FERMT1: variants seen among roughly 807,000 people sequenced by gnomAD.
The protein encoded by FERMT1 is fermitin family homolog 1.
In FERMT1, 60 loss-of-function variants were observed where a neutral mutation model predicts 85.3. The ratio of observed to expected loss-of-function variants is 0.70; its 90% confidence interval spans 0.57 to 0.87. FERMT1 has a LOEUF of 0.87. Among genes scored for constraint, FERMT1 ranks in the 40% least tolerant of loss-of-function variants. The pLI is 0.00. For missense variants in FERMT1, 701 were observed against 818.9 expected (o/e 0.86, Z 1.76); for synonymous variants, 275 against 301.1 (o/e 0.91, Z 0.90).
At chr20:6,082,926 C>T (rs563254764) in intron 13 of FERMT1, among the ~76,000 whole-genome samples, 6 of 152,212 alleles carry the variant, frequency 3.9e-5, no homozygotes, top group Admixed American at 3.9e-4. Context: ...TCCCAAAGTG[C>T]TAGGATTACA....
At chr20:6,112,389 T>C (rs1334836214) in intron 4 of FERMT1, 88 bp downstream of exon 4, 2 of 1,314,142 alleles carry the variant, frequency 1.5e-6, no homozygotes, top group African/African-American at 1.4e-5. Flanking sequence ...TATTTCTCCT[T>C]TGTTTGGTGG....
intron 9 of FERMT1, among the ~76,000 whole-genome samples, chr20:6,093,096 G>A (rs1982409974): frequency 6.6e-6 from 1 of 151,992 alleles, no homozygotes; most frequent in Non-Finnish European, 1.5e-5. Flanking sequence ...GAGCTTCACT[G>A]TAATAGAAAG....
intron 4 of FERMT1, among the ~76,000 whole-genome samples, chr20:6,111,267 G>A (rs1377261342): frequency 6.6e-6 from 1 of 152,214 alleles, no homozygotes; most frequent in African/African-American, 2.4e-5. Context: ...TCAGTAGGCT[G>A]ATGATTTATA....
In FERMT1 at chr20:6,075,142, A is replaced by ACTCCCCT. The variant is rs1981780167; in HGVS notation, c.*2030_*2031insAGGGGAG. The ACTCCCCT allele has an allele frequency of 6.6e-6, 1 of 152,162 alleles. No individual in the cohort carries two copies. Among genetic ancestry groups the ACTCCCCT allele is most frequent in the East Asian group, 1.9e-4 (1 of 5,312 alleles). 9.4% of individuals were successfully genotyped at this position (152,162 alleles called of 1,614,324 possible). A position where few individuals can be genotyped will look rare whatever the true frequency, so the allele number is the denominator to read the frequency against. On this transcript the variant is annotated 3_prime_UTR_variant, in exon 15 of 15. Transcript: ENST00000217289. ...TCCCCTGAAAACTGTAACCAAACAA[A>ACTCCCCT]GTTTGGTTAAAACAAAGTTGGTTCC...
intron 6 of FERMT1, among the ~76,000 whole-genome samples, chr20:6,102,187 C>A (rs1982676041): frequency 6.6e-6 from 1 of 151,980 alleles, no homozygotes; most frequent in Non-Finnish European, 1.5e-5. Flanking sequence ...GAGGCCTGTT[C>A]CCATTTCTCC....
chr20:6,080,154 A>C (rs541644508), intron 13 of FERMT1, among the ~76,000 whole-genome samples: 2 of 151,962 alleles, frequency 1.3e-5, no homozygotes, highest in Non-Finnish European at 2.9e-5. Context: ...CACTTAAAAA[A>C]ATTTTTTTTT....
rs1282521865 is a variant in FERMT1 at position 6,077,270 on chromosome 20, T to C, written c.1937A>G (p.Tyr646Cys). The change falls in exon 15 of 15, where the codon TAC becomes TGC. Residue 646 changes from tyrosine (Y) to cysteine (C), a missense_variant. Physicochemically the swap from Tyr to Cys is radical, Grantham distance 194 (BLOSUM62 -2). Transcript: ENST00000217289. Reference sequence around the variant, plus strand: ...GGACAAGAAAATGTAGCCGCCAATGTACTCGTGCACAATCTTGCAATCTGC... The same window carrying C: ...GGACAAGAAAATGTAGCCGCCAATGCACTCGTGCACAATCTTGCAATCTGC... Reference protein sequence around the residue: ...LSADCKIVHEYIGGYIFLSTR... With the variant: ...LSADCKIVHECIGGYIFLSTR... 6.2e-7 allele frequency: 1 copy of C among 1,614,040 alleles called. No individual in the cohort carries two copies. Among genetic ancestry groups the C allele is most frequent in the Non-Finnish European group, 8.5e-7 (1 of 1,180,040 alleles).
chr20:6,077,222 T>A lies in FERMT1; in HGVS notation c.1985A>T (p.Glu662Val). The change falls in exon 15 of 15, where the codon GAA becomes GTA. Residue 662 changes from glutamate to valine, a missense_variant. Coordinates refer to ENST00000217289, the MANE Select transcript of FERMT1 (RefSeq NM_017671.5). Reference sequence around the variant, plus strand: ...GTGGAACAAGTCCTCATCGAGTGTTTCATTCTGGTCCTTGGAGCGGGTGGA... The same window carrying A: ...GTGGAACAAGTCCTCATCGAGTGTTACATTCTGGTCCTTGGAGCGGGTGGA... ...FLSTRSKDQN[E>V]TLDEDLFHKL... 6.2e-7 allele frequency: 1 copy of A among 1,614,216 alleles called. No homozygotes were observed. The highest frequency in any genetic ancestry group is 8.5e-7 in the Non-Finnish European group (1 of 1,180,042).
intron 9 of FERMT1, among the ~76,000 whole-genome samples, chr20:6,094,641 C>T (rs549926185): frequency 2.6e-5 from 4 of 152,166 alleles, no homozygotes; most frequent in African/African-American, 4.8e-5. Flanking sequence ...CCAGGTACCA[C>T]GCTCAGTGCT....
chr20:6,077,090 C>A lies in FERMT1; in HGVS notation c.*83G>T. 7.3e-7 allele frequency: 1 copy of A among 1,361,256 alleles called. No homozygotes were observed. The highest frequency in any genetic ancestry group is 1.1e-6 in the Non-Finnish European group (1 of 951,612). The allele number at this position is 1,361,256 out of a possible 1,614,324, so 84.3% of individuals were successfully genotyped here. A position where few individuals can be genotyped will look rare whatever the true frequency, so the allele number is the denominator to read the frequency against. ...ATGTTGTCTGTTAGTCCAGAATCTA[C>A]ATGCTGGGCACGTTAGGGATCCCTC... On this transcript the variant is annotated 3_prime_UTR_variant, in exon 15 of 15. Coordinates refer to ENST00000217289, the MANE Select transcript of FERMT1 (RefSeq NM_017671.5).
chr20:6,109,687 G>A (rs994844318), intron 5 of FERMT1, among the ~76,000 whole-genome samples: 2 of 152,030 alleles, frequency 1.3e-5, no homozygotes, highest in Non-Finnish European at 2.9e-5. Context: ...ATTACCTGAG[G>A]TCAGGAGTTC....
At chr20:6,095,928 T>G (rs938024311) in intron 8 of FERMT1, among the ~76,000 whole-genome samples, 2 of 152,220 alleles carry the variant, frequency 1.3e-5, no homozygotes. Context: ...TGGACCCACC[T>G]CTCTGATTCA....
intron 13 of FERMT1, among the ~76,000 whole-genome samples, chr20:6,082,875 G>A (rs926649761): frequency 6.6e-6 from 1 of 151,964 alleles, no homozygotes; most frequent in South Asian, 2.1e-4. Context: ...GCCCAGAGTG[G>A]TCTTGAACTC....
chr20:6,118,683 C>T (rs933837391), intron 2 of FERMT1, among the ~76,000 whole-genome samples: 1 of 152,188 alleles, frequency 6.6e-6, no homozygotes, highest in African/African-American at 2.4e-5. Context: ...TGACATCTGA[C>T]ACGCTACAAG....
intron 2 of FERMT1, among the ~76,000 whole-genome samples, chr20:6,118,258 T>C (rs1983162702): frequency 1.3e-5 from 2 of 152,284 alleles, no homozygotes; most frequent in South Asian, 2.1e-4. Context: ...ACAGATATAA[T>C]GTTGAGTGAA....
chr20:6,079,717 C>A, intron 13 of FERMT1, 140 bp from the exon 14 acceptor site: 1 of 827,366 alleles, frequency 1.2e-6, no homozygotes, highest in Non-Finnish European at 1.9e-6. Flanking sequence ...TAACTTTCTG[C>A]AGGGGGGCAT....
chr20:6,083,656 C>CG (rs895366635), intron 13 of FERMT1, among the ~76,000 whole-genome samples: 3 of 89,120 alleles, frequency 3.4e-5, no homozygotes, highest in African/African-American at 2.2e-4. Context: ...AAATGAGACA[C>CG]CCCCCCCCCC....
chr20:6,097,396 A>C, intron 7 of FERMT1, 128 bp downstream of exon 7: 1 of 744,530 alleles, frequency 1.3e-6, no homozygotes, highest in Middle Eastern at 2.4e-4. Flanking sequence ...TACAGAAAAC[A>C]ATTGCTCTCC....
rs11087717 is a variant in FERMT1, at chr20:6,110,528, T to G, written c.533-17A>C. 0.1 allele frequency: 162,088 copies of G among 1,571,696 alleles called. 9,863 individuals carry two copies. The highest frequency in any genetic ancestry group is 0.28 in the African/African-American group (20,793 of 74,156). On this transcript the variant is annotated splice_polypyrimidine_tract_variant and intron_variant, in intron 4 of 14. Transcript: ENST00000217289. ...CAGGACTTACTGCAAGGCAGGGGGA[T>G]CAAGAACTATGATATGAGAATCCAG...
Sources: gnomAD v4.1 joint callset for allele counts (sites outside exome capture counted in the v4.1 genomes callset) on GRCh38, gnomAD v4.1.1 for gene constraint, MANE v1.5 for transcripts, NCBI Gene and HGNC (gene_info 2026-07-23, HGNC 2026-07-21) for gene names.